The following ANO4 variants were observed in gnomAD, a reference collection of about 807,000 sequenced individuals.
The protein encoded by ANO4 is anoctamin-4.
In ANO4, 69 loss-of-function variants were observed where a neutral mutation model predicts 141.9. The ratio of observed to expected loss-of-function variants is 0.49; its 90% CI spans 0.40 to 0.59. The LOEUF (loss-of-function observed/expected upper bound fraction) is 0.59, where lower values mean the gene tolerates loss of function less well. Among genes scored for constraint, ANO4 ranks in the 20% least tolerant of loss-of-function variants. The pLI is 0.00. For synonymous variants in ANO4, 350 were observed against 394.3 expected, an observed-to-expected ratio of 0.89 and a Z score of 1.33; for missense variants, 894 against 1,162.2, an observed-to-expected ratio of 0.77 and a Z score of 3.36.
intron 1 of ANO4, among the ~76,000 whole-genome samples, chr12:100,818,930 C>G (rs2035876410): frequency 6.6e-6 from 1 of 151,590 alleles, no homozygotes; most frequent in Non-Finnish European, 1.5e-5. Flanking sequence ...AACTGAGGAT[C>G]CTTGGGCTAG....
intron 9 of ANO4, among the ~76,000 whole-genome samples, chr12:101,029,088 A>G (rs1041529361): frequency 2.6e-5 from 4 of 152,246 alleles, no homozygotes; most frequent in African/African-American, 9.6e-5. Flanking sequence ...ACTAAGCATC[A>G]TAAGCGAAAG....
At chr12:101,017,997 TAA>T (rs1055733927) in intron 8 of ANO4, among the ~76,000 whole-genome samples, 2 of 152,190 alleles carry the variant, frequency 1.3e-5, no homozygotes, top group Non-Finnish European at 2.9e-5. Context: ...TGTGATGCTA[TAA>T]AAAGGGAAGG....
chr12:101,060,079 GC>G (rs1391682451), intron 14 of ANO4, among the ~76,000 whole-genome samples: 4 of 152,156 alleles, frequency 2.6e-5, no homozygotes, highest in African/African-American at 9.7e-5. Context: ...GGTACGTTGT[GC>G]CTTTGTTCCC....
intron 3 of ANO4, among the ~76,000 whole-genome samples, chr12:100,778,711 C>A (rs993854119): frequency 1.3e-5 from 2 of 152,182 alleles, no homozygotes; most frequent in Admixed American, 1.3e-4. Flanking sequence ...ACGGCTTAGA[C>A]CAGTGGTTGT....
chr12:100,948,672 A>C (rs1044047197), intron 5 of ANO4, among the ~76,000 whole-genome samples: 8 of 152,226 alleles, frequency 5.3e-5, no homozygotes, highest in African/African-American at 1.9e-4. Context: ...AATTTGACAA[A>C]AATTGTGAAG....
chr12:100,799,843 C>T (rs2034574295), intron 1 of ANO4, among the ~76,000 whole-genome samples: 1 of 152,200 alleles, frequency 6.6e-6, no homozygotes, highest in Non-Finnish European at 1.5e-5. Flanking sequence ...ACTCACATAG[C>T]ACCTGGGCCG....
intron 7 of ANO4, among the ~76,000 whole-genome samples, chr12:100,982,466 A>G (rs1292385876): frequency 2.0e-5 from 3 of 152,266 alleles, no homozygotes; most frequent in African/African-American, 7.2e-5. Flanking sequence ...AGGTGGGAAC[A>G]CAGACATCAA....
intron 14 of ANO4, among the ~76,000 whole-genome samples, chr12:101,059,809 T>G (rs951198303): frequency 6.6e-6 from 1 of 152,198 alleles, no homozygotes; most frequent in Non-Finnish European, 1.5e-5. Context: ...CTATGTATTT[T>G]TTAATCTTTT....
At chr12:100,816,492 G>A (rs2035747837) in intron 1 of ANO4, among the ~76,000 whole-genome samples, 1 of 151,918 alleles carries the variant, frequency 6.6e-6, no homozygotes, top group South Asian at 2.1e-4. Context: ...GCAAGGAGTG[G>A]ATATAGATGC....
At chr12:101,104,627 GTATATATATATATATATATATATATATA>G (rs1167784816) in intron 22 of ANO4, among the ~76,000 whole-genome samples, 8 of 62,062 alleles carry the variant, frequency 1.3e-4, no homozygotes, top group South Asian at 6.3e-4. Flanking sequence ...ATGTATGTGT[GTATATATATATATATATATATATATATA>G]TATATATATA....
At chr12:101,097,589 T>C in intron 19 of ANO4, 62 bp from the exon 20 acceptor site, 4 of 1,478,084 alleles carry the variant, frequency 2.7e-6, no homozygotes, top group Non-Finnish European at 3.8e-6. Flanking sequence ...AAACTAAATG[T>C]AATATTCGCT....
At chr12:101,036,218 G>A (rs1285615967) in intron 9 of ANO4, among the ~76,000 whole-genome samples, 1 of 152,128 alleles carries the variant, frequency 6.6e-6, no homozygotes, top group Admixed American at 6.6e-5. Flanking sequence ...CAAGTGTGTG[G>A]AGAAAAGGAA....
upstream of ANO4, among the ~76,000 whole-genome samples, chr12:100,791,721 C>T (rs2034054317): frequency 6.6e-6 from 1 of 152,148 alleles, no homozygotes; most frequent in African/African-American, 2.4e-5. Flanking sequence ...TAAAAGGAAG[C>T]TCTGAGGCTG....
chr12:101,050,064 G>T (rs772607421), intron 14 of ANO4, among the ~76,000 whole-genome samples: 1 of 152,158 alleles, frequency 6.6e-6, no homozygotes, highest in African/African-American at 2.4e-5. Flanking sequence ...TTGACCATTG[G>T]GTAGAAGTAG....
chr12:100,767,599 A>T (rs1277525618), intron 3 of ANO4, among the ~76,000 whole-genome samples: 1 of 152,242 alleles, frequency 6.6e-6, no homozygotes, highest in Non-Finnish European at 1.5e-5. Context: ...TATACTGGAT[A>T]AAGGGATGAT....
intron 3 of ANO4, among the ~76,000 whole-genome samples, chr12:100,755,831 A>T (rs2032584489): frequency 6.6e-6 from 1 of 152,136 alleles, no homozygotes; most frequent in Admixed American, 6.6e-5. Context: ...TCCCTTTGCT[A>T]TCCAAAGTCC....
chr12:101,001,542 T>C (rs2045640977), intron 8 of ANO4, among the ~76,000 whole-genome samples: 1 of 152,188 alleles, frequency 6.6e-6, no homozygotes, highest in African/African-American at 2.4e-5. Context: ...CAAATAGACT[T>C]GGAGTTAGAA....
chr12:100,833,110 A>G (rs2036718141), intron 1 of ANO4, among the ~76,000 whole-genome samples: 3 of 152,112 alleles, frequency 2.0e-5, no homozygotes, highest in Admixed American at 6.6e-5. Context: ...GGACTGGGGG[A>G]GAGGATGCAC....
intron 14 of ANO4, among the ~76,000 whole-genome samples, chr12:101,074,005 CAG>C (rs1464541347): frequency 1.8e-4 from 28 of 152,186 alleles, no homozygotes; most frequent in African/African-American, 6.3e-4. Flanking sequence ...AATCGAGTGT[CAG>C]ATGTTGTGGC....
Sources: gnomAD v4.1 joint callset for allele counts (sites outside exome capture counted in the v4.1 genomes callset) on GRCh38, gnomAD v4.1.1 for gene constraint, MANE v1.5 for transcripts, NCBI Gene and HGNC (gene_info 2026-07-23, HGNC 2026-07-21) for gene names.